ZNF423: variants seen among roughly 807,000 people sequenced by gnomAD.
ZNF423 encodes the protein Ebf-associated zinc finger protein.
ZNF423 carries 12 observed loss-of-function variants against 95.8 expected under a neutral mutation model. The observed-to-expected ratio is 0.13, with a 90% CI of 0.08 to 0.20. The LOEUF is 0.20. Ranked by LOEUF, ZNF423 falls within the 10% of genes least tolerant of loss-of-function variation. ZNF423 has a pLI of 1.00. For missense variants in ZNF423, 1,316 were observed against 1,737.1 expected (o/e 0.76, Z 4.31); for synonymous variants, 749 against 711.9 (o/e 1.05, Z -0.83).
rs183992167 is a variant in ZNF423, at chr16:49,697,976, C to G, written c.301+32795G>C. On this transcript the variant is annotated intron_variant, in intron 3 of 7. Transcript: ENST00000563137. ...GGCATGAACCACTGCCCCATTACGC[C>G]GCCTTTCCCCACAGCAGCATCTGGG... is the stretch of plus-strand genomic sequence containing the variant. 1.9e-3 allele frequency among the ~76,000 whole-genome samples: 282 copies of G among 152,298 alleles called. 1 individual carries two copies. Among genetic ancestry groups the G allele is most frequent in the Middle Eastern group, 0.014 (4 of 294 alleles).
chr16:49,655,537 G>A (rs9972862), intron 3 of ZNF423, among the ~76,000 whole-genome samples: 4 of 152,260 alleles, frequency 2.6e-5, no homozygotes, highest in South Asian at 2.1e-4. Context: ...CCCCTTCCAC[G>A]TGGGGGCTGA....
At chr16:49,662,740 A>T (rs1394123830) in intron 3 of ZNF423, among the ~76,000 whole-genome samples, 1 of 152,256 alleles carries the variant, frequency 6.6e-6, no homozygotes, top group Non-Finnish European at 1.5e-5. Flanking sequence ...AGCAGACACC[A>T]GAAGCAAACA....
chr16:49,529,141 T>C (rs1026264362), intron 5 of ZNF423, among the ~76,000 whole-genome samples: 1 of 151,540 alleles, frequency 6.6e-6, no homozygotes, highest in African/African-American at 2.4e-5. Flanking sequence ...TTTTTTTTTT[T>C]TAATAGCACA....
chr16:49,792,571 T>G (rs2034433614), intron 1 of ZNF423, among the ~76,000 whole-genome samples: 1 of 152,206 alleles, frequency 6.6e-6, no homozygotes, highest in African/African-American at 2.4e-5. Context: ...CATCCCTGTG[T>G]GGTGAGGGAT....
rs1006144428 is a variant in ZNF423, at chr16:49,724,910, C to A, written c.301+5861G>T. On this transcript the variant is annotated intron_variant, in intron 3 of 7. Coordinates refer to ENST00000563137, the MANE Select transcript of ZNF423 (RefSeq NM_001379286.1). ...TTTGCTGTTGCTATTTCAACAAAGTCCCCCCTCTTGTTTTTTTGGAAGTTG... is the reference window on the plus strand; with the variant it reads ...TTTGCTGTTGCTATTTCAACAAAGTACCCCCTCTTGTTTTTTTGGAAGTTG... Among the ~76,000 whole-genome samples the A allele has an allele frequency of 4.6e-5, 7 of 152,142 alleles. No individual in the cohort carries two copies. In the East Asian group the frequency reaches 9.6e-4, roughly 21 times the overall value.
At chr16:49,762,513 A>C (rs1230220307) in intron 2 of ZNF423, among the ~76,000 whole-genome samples, 1 of 152,238 alleles carries the variant, frequency 6.6e-6, no homozygotes, top group African/African-American at 2.4e-5. Context: ...TCTAGACAAG[A>C]GGACTAATGT....
rs772158477 is a variant in ZNF423, at chr16:49,636,634, C to T, written c.2542G>A (p.Gly848Ser). 8 of 1,614,024 alleles carry T rather than the reference C, an allele frequency of 5.0e-6. No individual in the cohort carries two copies. The highest frequency in any genetic ancestry group is 2.2e-5 in the South Asian group (2 of 91,076). ...ATTGGGGGTACCCCATTGGCCGTGC[C>T]GTTCTCGGTCGCAGCATCAAACACA... ...HCVFDAATEN[G>S]TANGVPPMAT... Residue 848 changes from glycine (G) to serine (S), a missense_variant, in exon 4 of 8, where the codon GGC becomes AGC. Gly to Ser is a moderately conservative substitution (Grantham distance 56). This residue lies in a region of ZNF423 where 620 missense variants were observed against 775.6 expected (regional missense o/e 0.80). Coordinates refer to ENST00000563137, the MANE Select transcript of ZNF423 (RefSeq NM_001379286.1). The surrounding 1 kb of genome is among the most constrained non-coding windows in gnomAD (Gnocchi z 8.6).
chr16:49,658,117 A>C (rs2029987859), intron 3 of ZNF423, among the ~76,000 whole-genome samples: 1 of 152,258 alleles, frequency 6.6e-6, no homozygotes, highest in African/African-American at 2.4e-5. Flanking sequence ...TTAAACATGC[A>C]TGAACCACCA....
Position 49,636,744 on chromosome 16 carries a change from T to A in ZNF423, c.2432A>T (p.His811Leu). Residue 811 changes from histidine to leucine, a missense_variant, in exon 4 of 8, where the codon CAC becomes CTC. Physicochemically the swap from His to Leu is moderately conservative, Grantham distance 99. This residue lies in a region of ZNF423 where 620 missense variants were observed against 775.6 expected (regional missense o/e 0.80). Transcript: ENST00000563137. This position sits in a 1 kb window ranked among gnomAD's most constrained non-coding sequence, Gnocchi z 8.6. The stretch of plus-strand genomic sequence containing the variant: ...GAACTTACAGTTATACTTCTTGCTG[T>A]GTGTGGTGATGTGGCACTGCAGCTC... The part of the protein sequence containing the change: ...EVELQCHITT[H>L]SKKYNCKFCS... 6.2e-7 allele frequency: 1 copy of A among 1,613,976 alleles called. No individual in the cohort carries two copies. Among genetic ancestry groups the A allele is most frequent in the Non-Finnish European group, 8.5e-7 (1 of 1,179,974 alleles).
chr16:49,524,167 G>A (rs771366019), intron 6 of ZNF423, among the ~76,000 whole-genome samples: 1 of 152,146 alleles, frequency 6.6e-6, no homozygotes, highest in Non-Finnish European at 1.5e-5. Context: ...AGGCCTGTAG[G>A]ACAGGTGCTA....
chr16:49,551,645 G>A (rs768090630), intron 5 of ZNF423, among the ~76,000 whole-genome samples: 1 of 152,302 alleles, frequency 6.6e-6, no homozygotes, highest in Non-Finnish European at 1.5e-5. Context: ...CAGGGTGCAT[G>A]GAAGCTGGGA....
intron 3 of ZNF423, among the ~76,000 whole-genome samples, chr16:49,719,914 G>T (rs1339338181): frequency 6.6e-6 from 1 of 152,238 alleles, no homozygotes; most frequent in Non-Finnish European, 1.5e-5. Context: ...TGATTTCAGA[G>T]TTGCCTCTCA....
chr16:49,805,400 G>T (rs1330527923), intron 1 of ZNF423, among the ~76,000 whole-genome samples: 1 of 152,172 alleles, frequency 6.6e-6, no homozygotes, highest in Non-Finnish European at 1.5e-5. Flanking sequence ...TCATCTTACA[G>T]GTGGAAAAAC....
chr16:49,798,801 C>T (rs1188330169), intron 1 of ZNF423, among the ~76,000 whole-genome samples: 1 of 152,174 alleles, frequency 6.6e-6, no homozygotes, highest in Non-Finnish European at 1.5e-5. Context: ...ACTACAGACT[C>T]CTCATAAACT....
intron 1 of ZNF423, among the ~76,000 whole-genome samples, chr16:49,819,962 T>C (rs918471708): frequency 6.6e-6 from 1 of 152,196 alleles, no homozygotes; most frequent in African/African-American, 2.4e-5. Flanking sequence ...TATGTTAAGA[T>C]AAGCTCGCTA....
intron 5 of ZNF423, among the ~76,000 whole-genome samples, chr16:49,534,284 C>T (rs369582823): frequency 6.7e-6 from 1 of 148,598 alleles, no homozygotes; most frequent in African/African-American, 2.5e-5. Context: ...GACCGAGTTT[C>T]ACTCTTGTTG....
chr16:49,584,619 G>A (rs1208900669), intron 5 of ZNF423, among the ~76,000 whole-genome samples: 1 of 152,112 alleles, frequency 6.6e-6, no homozygotes, highest in Non-Finnish European at 1.5e-5. Flanking sequence ...TGTCAACAGA[G>A]CTAGCTTCCT....
chr16:49,656,846 T>C (rs1206841438), intron 3 of ZNF423, among the ~76,000 whole-genome samples: 3 of 152,220 alleles, frequency 2.0e-5, no homozygotes, highest in Non-Finnish European at 4.4e-5. Context: ...ATCTGATGTG[T>C]TCCTATTACC....
chr16:49,778,615 A>T (rs1185138256), intron 2 of ZNF423, among the ~76,000 whole-genome samples: 3 of 151,830 alleles, frequency 2.0e-5, no homozygotes, highest in Admixed American at 2.0e-4. Flanking sequence ...TTCCCTACAG[A>T]CTCAGTTCCA....
Sources: gnomAD v4.1 joint callset for allele counts (sites outside exome capture counted in the v4.1 genomes callset) on GRCh38, gnomAD v4.1.1 for gene constraint, gnomAD v4.1.1 regional missense constraint, Gnocchi (gnomAD v3.1) non-coding constraint, MANE v1.5 for transcripts, NCBI Gene and HGNC (gene_info 2026-07-23, HGNC 2026-07-21) for gene names.